GRIA2: variants seen among roughly 807,000 people sequenced by gnomAD.
GRIA2 encodes the protein glutamate ionotropic receptor AMPA type subunit 2.
GRIA2 carries 14 observed loss-of-function variants against 97.3 expected under a neutral mutation model. The observed-to-expected ratio is 0.14, with a 90% confidence interval of 0.10 to 0.23. GRIA2 has a LOEUF of 0.23. Among genes scored for constraint, GRIA2 ranks in the 10% least tolerant of loss-of-function variants. The pLI is 1.00. For synonymous variants in GRIA2, 412 were observed against 387.8 expected (o/e 1.06, Z -0.73); for missense variants, 558 against 1,069.8 (o/e 0.52, Z 6.67).
At chr4:157,352,459 T>G (rs1197959607) in intron 12 of GRIA2, among the ~76,000 whole-genome samples, 1 of 152,158 alleles carries the variant, frequency 6.6e-6, no homozygotes, top group Non-Finnish European at 1.5e-5. Flanking sequence ...GGCTCATGCC[T>G]GTAATCTCAG....
chr4:157,282,978 T>G (rs184786949), intron 2 of GRIA2, among the ~76,000 whole-genome samples: 1 of 152,212 alleles, frequency 6.6e-6, no homozygotes, highest in African/African-American at 2.4e-5. Flanking sequence ...CAAATATATG[T>G]CAGGGAAATA....
chr4:157,225,219 C>A (rs1461420360), intron 2 of GRIA2, among the ~76,000 whole-genome samples: 2 of 152,028 alleles, frequency 1.3e-5, no homozygotes, highest in Non-Finnish European at 2.9e-5. Context: ...CCACATCCTT[C>A]CCTTTCACAA....
At chr4:157,301,029 G>C (rs561440730) in intron 2 of GRIA2, among the ~76,000 whole-genome samples, 8 of 152,232 alleles carry the variant, frequency 5.3e-5, no homozygotes, top group Admixed American at 3.9e-4. Context: ...GATGAGAAGA[G>C]GTCTCATTAA....
intron 2 of GRIA2, among the ~76,000 whole-genome samples, chr4:157,242,834 C>T (rs1427830687): frequency 1.3e-5 from 2 of 152,056 alleles, no homozygotes; most frequent in Non-Finnish European, 2.9e-5. Context: ...GATCCATTAA[C>T]ACTGAATACA....
intron 6 of GRIA2, among the ~76,000 whole-genome samples, chr4:157,328,298 A>G (rs778023518): frequency 6.6e-6 from 1 of 152,050 alleles, no homozygotes; most frequent in Non-Finnish European, 1.5e-5. Flanking sequence ...TGATTATGTG[A>G]AGTGCTAACT....
intron 12 of GRIA2, among the ~76,000 whole-genome samples, chr4:157,356,572 T>TA (rs930355738): frequency 8.5e-5 from 13 of 152,138 alleles, no homozygotes; most frequent in African/African-American, 3.1e-4. Flanking sequence ...ACAAAGGGGC[T>TA]AATTGAGGCA....
intron 9 of GRIA2, chr4:157,335,041 T>A (rs41279341): frequency 0.013 from 2,019 of 153,378 alleles, 19 homozygotes; most frequent in Non-Finnish European, 0.02. Context: ...TTGATTCATT[T>A]TTTCTTGCTT....
At chr4:157,266,863 A>T (rs974819724) in intron 2 of GRIA2, among the ~76,000 whole-genome samples, 2 of 151,902 alleles carry the variant, frequency 1.3e-5, no homozygotes, top group Non-Finnish European at 2.9e-5. Context: ...GTTCGAGATG[A>T]GTCTGGGCAG....
Position 157,221,821 on chromosome 4 carries a change from A to G in GRIA2, c.229+14A>G. On this transcript the variant is annotated intron_variant, in intron 2 of 15. Transcript: ENST00000264426. ...TCACTAATGCTTGTAAGTAATGAAT[A>G]TTCATGCCTTTCGGGTGCTGCACGC... 1 of 1,612,900 alleles carries G rather than the reference A, an allele frequency of 6.2e-7. No homozygotes were observed. The highest frequency in any genetic ancestry group is 8.5e-7 in the Non-Finnish European group (1 of 1,179,100).
intron 12 of GRIA2, among the ~76,000 whole-genome samples, chr4:157,344,061 G>A (rs1239230405): frequency 6.6e-6 from 1 of 151,888 alleles, no homozygotes; most frequent in African/African-American, 2.4e-5. Flanking sequence ...ATTAGTATAG[G>A]GAAATTGAAT....
intron 15 of GRIA2, 100 bp from the exon 16 acceptor site, chr4:157,363,335 A>G (rs1736720204): frequency 1.4e-6 from 1 of 716,654 alleles, no homozygotes; most frequent in Non-Finnish European, 2.0e-6. Flanking sequence ...TTTCAGATAG[A>G]AGTAAACTTT....
At chr4:157,302,519 G>T (rs924927989) in intron 2 of GRIA2, among the ~76,000 whole-genome samples, 2 of 152,014 alleles carry the variant, frequency 1.3e-5, no homozygotes, top group African/African-American at 4.8e-5. Flanking sequence ...AGTGTCTTTG[G>T]TAGTTCACTT....
intron 2 of GRIA2, among the ~76,000 whole-genome samples, chr4:157,294,337 T>A (rs1381450055): frequency 6.6e-6 from 1 of 152,076 alleles, no homozygotes; most frequent in Non-Finnish European, 1.5e-5. Flanking sequence ...TCATTGAATC[T>A]ATGTTTAACA....
intron 2 of GRIA2, among the ~76,000 whole-genome samples, chr4:157,260,810 TC>T (rs1271421583): frequency 1.3e-5 from 2 of 151,924 alleles, no homozygotes; most frequent in African/African-American, 4.8e-5. Flanking sequence ...CTTCATTTCC[TC>T]CCCCTCCTCC....
At chr4:157,255,215 G>T (rs1445653719) in intron 2 of GRIA2, among the ~76,000 whole-genome samples, 1 of 151,658 alleles carries the variant, frequency 6.6e-6, no homozygotes, top group African/African-American at 2.4e-5. Context: ...TGGCCTGCAG[G>T]TCCATCCATG....
At chr4:157,324,363 G>GA (rs1172682009) in intron 6 of GRIA2, among the ~76,000 whole-genome samples, 2 of 152,102 alleles carry the variant, frequency 1.3e-5, no homozygotes, top group African/African-American at 4.8e-5. Flanking sequence ...ATAAATAAAT[G>GA]AAAAATGTAT....
At chr4:157,348,674 A>G (rs1735870738) in intron 12 of GRIA2, among the ~76,000 whole-genome samples, 1 of 152,194 alleles carries the variant, frequency 6.6e-6, no homozygotes, top group Non-Finnish European at 1.5e-5. Context: ...GATGTTTTAT[A>G]GATTTTAAAA....
chr4:157,255,641 A>G (rs574231106), intron 2 of GRIA2, among the ~76,000 whole-genome samples: 27 of 152,082 alleles, frequency 1.8e-4, no homozygotes, highest in African/African-American at 6.3e-4. Context: ...TAATTAAACT[A>G]AAAAGCTTCT....
intron 11 of GRIA2, among the ~76,000 whole-genome samples, chr4:157,340,418 C>T (rs1024745599): frequency 1.3e-5 from 2 of 151,870 alleles, no homozygotes; most frequent in African/African-American, 4.8e-5. Flanking sequence ...TCCTCTACTT[C>T]AGGTTTTAAA....
Sources: allele counts gnomAD v4.1 joint callset (sites outside exome capture counted in the v4.1 genomes callset), GRCh38; gene constraint gnomAD v4.1.1; transcripts MANE v1.5; gene names NCBI Gene and HGNC (gene_info 2026-07-23, HGNC 2026-07-21).